The following TSHZ3 variants were observed in gnomAD, a reference collection of about 807,000 sequenced individuals.
TSHZ3 encodes teashirt homolog 3.
TSHZ3 carries 10 observed loss-of-function variants against 64.5 expected under a neutral mutation model. The observed-to-expected ratio is 0.16, with a 90% CI of 0.10 to 0.26. The LOEUF (loss-of-function observed/expected upper bound fraction) is 0.26, where lower values mean the gene tolerates loss of function less well. Among genes scored for constraint, TSHZ3 ranks in the 10% least tolerant of loss-of-function variants. TSHZ3 has a pLI of 1.00. For missense variants in TSHZ3, 1,242 were observed against 1,421.7 expected, an observed-to-expected ratio of 0.87 and a Z score of 2.03; for synonymous variants, 608 against 593.1, an observed-to-expected ratio of 1.03 and a Z score of -0.36.
At chr19:31,330,528 G>A (rs1386436669) in intron 1 of TSHZ3, among the ~76,000 whole-genome samples, 5 of 152,124 alleles carry the variant, frequency 3.3e-5, no homozygotes, top group South Asian at 4.1e-4. Context: ...GGTCAGCATC[G>A]CCCCAATGTC....
At chr19:31,173,623 T>G (rs1974566521) in intron 5 of TSHZ3, among the ~76,000 whole-genome samples, 1 of 152,184 alleles carries the variant, frequency 6.6e-6, no homozygotes, top group South Asian at 2.1e-4. Flanking sequence ...ATGCTATGGT[T>G]TGCACCTAAA....
chr19:31,285,781 C>CAAAA (rs3030263), intron 1 of TSHZ3, among the ~76,000 whole-genome samples: 38 of 44,984 alleles, frequency 8.4e-4, no homozygotes, highest in Non-Finnish European at 1.1e-3. Flanking sequence ...GCCACTGTCT[C>CAAAA]AAAAAAAAAA....
intron 5 of TSHZ3, among the ~76,000 whole-genome samples, chr19:31,163,034 A>G (rs1974390379): frequency 6.6e-6 from 1 of 152,216 alleles, no homozygotes; most frequent in Admixed American, 6.5e-5. Flanking sequence ...TAGGAGCTGC[A>G]ATTGACACCC....
chr19:31,343,462 A>G (rs1364026791), intron 1 of TSHZ3, among the ~76,000 whole-genome samples: 1 of 152,180 alleles, frequency 6.6e-6, no homozygotes, highest in Non-Finnish European at 1.5e-5. Context: ...TGATCAAACT[A>G]AGTGCATGTG....
chr19:31,274,185 T>A (rs1025760326), downstream of TSHZ3, among the ~76,000 whole-genome samples: 1 of 151,988 alleles, frequency 6.6e-6, no homozygotes, highest in Admixed American at 6.5e-5. Context: ...ATGTAATACA[T>A]CTCTCATTTG....
downstream of TSHZ3, among the ~76,000 whole-genome samples, chr19:31,270,651 G>A (rs990064997): frequency 3.3e-5 from 5 of 152,160 alleles, no homozygotes; most frequent in Non-Finnish European, 7.3e-5. Flanking sequence ...GGAATGCTCT[G>A]TGCCTGCTGT....
intron 6 of TSHZ3, among the ~76,000 whole-genome samples, chr19:31,154,714 G>A (rs958853937): frequency 3.9e-5 from 6 of 152,202 alleles, no homozygotes; most frequent in Admixed American, 3.3e-4. Context: ...TGAACTTCCC[G>A]AGGTTCCATC....
At chr19:31,252,866 TC>T (rs1789123235) in intron 1 of TSHZ3, among the ~76,000 whole-genome samples, 1 of 152,192 alleles carries the variant, frequency 6.6e-6, no homozygotes, top group African/African-American at 2.4e-5. Context: ...TGTGGGCATA[TC>T]TTTTTGGAGA....
At chr19:31,344,591 GGCCT>G (rs1158105452) in intron 1 of TSHZ3, among the ~76,000 whole-genome samples, 1 of 152,184 alleles carries the variant, frequency 6.6e-6, no homozygotes. Context: ...CCTCCCCGCG[GGCCT>G]GCCTGCCTGC....
Position 31,279,804 on chromosome 19 carries a change from G to T in TSHZ3, c.41-52C>A. On this transcript the variant is annotated intron_variant, in intron 1 of 1. Transcript: ENST00000240587. The surrounding 1 kb of genome is among the most constrained non-coding windows in gnomAD (Gnocchi z 6.4). ...AGACAGGTAGGATGGAATGAAGAGA[G>T]ACAGGGAGAAGGAGAGAAAGAAAAA... is the stretch of plus-strand genomic sequence containing the variant. The T allele has an allele frequency of 7.0e-7, 1 of 1,420,372 alleles. No homozygotes were observed. Among genetic ancestry groups the T allele is most frequent in the Non-Finnish European group, 9.3e-7 (1 of 1,074,974 alleles). The allele number at this position is 1,420,372 out of a possible 1,614,324, so 88.0% of individuals were successfully genotyped here.
chr19:31,207,193 A>G (rs1211758276), intron 4 of TSHZ3, among the ~76,000 whole-genome samples: 1 of 152,234 alleles, frequency 6.6e-6, no homozygotes, highest in African/African-American at 2.4e-5. Context: ...GTGATTATAT[A>G]TTAAAGTACA....
chr19:31,256,176 G>A (rs1975907642), intron 1 of TSHZ3, among the ~76,000 whole-genome samples: 1 of 152,144 alleles, frequency 6.6e-6, no homozygotes, highest in South Asian at 2.1e-4. Flanking sequence ...ACTGCTGCAG[G>A]ATGGAGAGAG....
intron 1 of TSHZ3, among the ~76,000 whole-genome samples, chr19:31,254,287 A>T (rs149109572): frequency 6.6e-6 from 1 of 152,344 alleles, no homozygotes; most frequent in East Asian, 1.9e-4. Flanking sequence ...TACCCTGGGT[A>T]CCAGAGTGCT....
chr19:31,232,762 A>G, intron 3 of TSHZ3, among the ~76,000 whole-genome samples: 1 of 152,152 alleles, frequency 6.6e-6, no homozygotes, highest in East Asian at 1.9e-4. Context: ...CTATCTCTAC[A>G]GATATGTATT....
chr19:31,277,149 C>A lies in TSHZ3; in HGVS notation c.2644G>T (p.Ala882Ser). Residue 882 changes from alanine to serine, a missense_variant, in exon 2 of 2, where the codon GCT becomes TCT. Coordinates refer to ENST00000240587, the MANE Select transcript of TSHZ3 (RefSeq NM_020856.4). The surrounding 1 kb of genome is among the most constrained non-coding windows in gnomAD (Gnocchi z 4.5). ...SDIDGATLEE[A>S]EESTPAQKRK... is the part of the protein sequence containing the mutation. ...TTCTGGGCGGGCGTCGACTCCTCAG[C>A]CTCCTCCAGAGTGGCCCCGTCAATG... 1 of 1,612,038 alleles carries A rather than the reference C, an allele frequency of 6.2e-7. No individual in the cohort carries two copies. The highest frequency in any genetic ancestry group is 8.5e-7 in the Non-Finnish European group (1 of 1,178,708).
chr19:31,237,072 C>T (rs879489423), intron 3 of TSHZ3, among the ~76,000 whole-genome samples: 11 of 108 alleles, frequency 0.1, no homozygotes, highest in Non-Finnish European at 0.12. Context: ...TCGCTTGAAC[C>T]CGGGAGCAGA....
chr19:31,252,497 T>C (rs1975855974), intron 1 of TSHZ3, among the ~76,000 whole-genome samples: 1 of 152,164 alleles, frequency 6.6e-6, no homozygotes, highest in Non-Finnish European at 1.5e-5. Flanking sequence ...TCCCCACATG[T>C]CAAGCATGGG....
chr19:31,158,337 G>A (rs539533022), intron 5 of TSHZ3, among the ~76,000 whole-genome samples: 97 of 152,296 alleles, frequency 6.4e-4, no homozygotes, highest in Admixed American at 1.2e-3. Flanking sequence ...GATCATGTTT[G>A]GTATACCAGT....
intron 5 of TSHZ3, among the ~76,000 whole-genome samples, chr19:31,163,708 G>A (rs1009649489): frequency 1.3e-5 from 2 of 152,296 alleles, no homozygotes; most frequent in South Asian, 4.1e-4. Context: ...TCCAATCTGG[G>A]TGACAGAATG....
Sources: gnomAD v4.1 joint callset for allele counts (sites outside exome capture counted in the v4.1 genomes callset) on GRCh38, gnomAD v4.1.1 for gene constraint, Gnocchi (gnomAD v3.1) non-coding constraint, MANE v1.5 for transcripts, NCBI Gene and HGNC (gene_info 2026-07-23, HGNC 2026-07-21) for gene names.